CA5A: variants seen among roughly 807,000 people sequenced by gnomAD.
CA5A encodes the protein carbonic anhydrase 5A, mitochondrial.
CA5A carries 28 observed loss-of-function variants against 37.1 expected under a neutral mutation model. The ratio of observed to expected loss-of-function variants is 0.75; its 90% CI spans 0.56 to 1.03. The LOEUF (loss-of-function observed/expected upper bound fraction) is 1.03. Ranked by LOEUF, CA5A falls within the 50% of genes least tolerant of loss-of-function variation. The pLI is 0.00. For missense variants in CA5A, 444 were observed against 399.9 expected (o/e 1.11, Z -0.94); for synonymous variants, 171 against 158.4 (o/e 1.08, Z -0.60).
At position 87,888,092 on chromosome 16, in the gene CA5A, C is replaced by T. The variant is rs766914195; in HGVS notation, c.*37G>A. ...CTTGGGAAACAACGCTTCCTTCCTT[C>T]AAAGTCAGTTCTGCTATTCATGTGG... is the stretch of plus-strand genomic sequence containing the variant. On this transcript the variant is annotated 3_prime_UTR_variant, in exon 7 of 7. Coordinates refer to ENST00000649794, the MANE Select transcript of CA5A (RefSeq NM_001739.2). 1.9e-6 allele frequency: 3 copies of T among 1,545,664 alleles called. No individual in the cohort carries two copies. The highest frequency in any genetic ancestry group is 2.6e-6 in the Non-Finnish European group (3 of 1,143,146).
chr16:87,910,379 TGAG>T (rs2056033311), intron 2 of CA5A, among the ~76,000 whole-genome samples: 1 of 152,164 alleles, frequency 6.6e-6, no homozygotes, highest in African/African-American at 2.4e-5. Flanking sequence ...GCAGGTCCTG[TGAG>T]TCCAACTTTG....
intron 2 of CA5A, among the ~76,000 whole-genome samples, chr16:87,907,928 AAAACAAAC>A (rs561020488): frequency 2.0e-5 from 3 of 152,212 alleles, no homozygotes; most frequent in Non-Finnish European, 2.9e-5. Flanking sequence ...CTCCGTCTCA[AAAACAAAC>A]AAACAAACAA....
chr16:87,888,646 T>C (rs1412428377), intron 6 of CA5A, among the ~76,000 whole-genome samples: 1 of 152,198 alleles, frequency 6.6e-6, no homozygotes, highest in Non-Finnish European at 1.5e-5. Context: ...GCTTTCAGAT[T>C]GCTACAGTCC....
chr16:87,909,317 C>G (rs1373888651), intron 2 of CA5A, among the ~76,000 whole-genome samples: 1 of 152,174 alleles, frequency 6.6e-6, no homozygotes, highest in East Asian at 1.9e-4. Context: ...GAACAAGGGA[C>G]TTGCTTGAAA....
chr16:87,929,788 C>T (rs1046142473), intron 1 of CA5A, among the ~76,000 whole-genome samples: 1 of 137,992 alleles, frequency 7.2e-6, no homozygotes, highest in East Asian at 2.3e-4. Context: ...AGCAGAATGG[C>T]GTGAGCCCGG....
intron 4 of CA5A, 22 bp from the exon 5 acceptor site, chr16:87,901,996 G>A: frequency 6.2e-7 from 1 of 1,610,656 alleles, no homozygotes; most frequent in Non-Finnish European, 8.5e-7. Flanking sequence ...ACAAAGGAGG[G>A]GTTAGCTGCA....
At chr16:87,922,795 G>C (rs112012355) in intron 2 of CA5A, among the ~76,000 whole-genome samples, 142 of 152,352 alleles carry the variant, frequency 9.3e-4, no homozygotes, top group African/African-American at 3.1e-3. Context: ...TGGATTTTGT[G>C]AATGTTGGAT....
At chr16:87,936,226 GTCTCTCC>G (rs2056469180) in intron 1 of CA5A, 76 bp downstream of exon 1, 1 of 961,154 alleles carries the variant, frequency 1.0e-6, no homozygotes, top group Non-Finnish European at 1.6e-6. Flanking sequence ...GCTCGGGACG[GTCTCTCC>G]TCTCTCCTCT....
chr16:87,900,075 T>C (rs2055857264), intron 5 of CA5A, among the ~76,000 whole-genome samples: 1 of 152,004 alleles, frequency 6.6e-6, no homozygotes, highest in African/African-American at 2.4e-5. Context: ...GTGGTTTGCC[T>C]AGAAAATTCT....
downstream of CA5A, chr16:87,884,168 C>G (rs149542412): frequency 1.4e-5 from 2 of 147,390 alleles, no homozygotes; most frequent in African/African-American, 5.0e-5. Flanking sequence ...GTAATCCCAG[C>G]ACTTTGGGGG....
intron 2 of CA5A, among the ~76,000 whole-genome samples, chr16:87,905,348 TTTTTG>T (rs2055944655): frequency 6.6e-6 from 1 of 152,046 alleles, no homozygotes; most frequent in Non-Finnish European, 1.5e-5. Flanking sequence ...ATGAGCAAAG[TTTTTG>T]TTTTGTCTTG....
At chr16:87,899,576 T>G (rs2055848173) in intron 5 of CA5A, among the ~76,000 whole-genome samples, 1 of 150,694 alleles carries the variant, frequency 6.6e-6, no homozygotes, top group Non-Finnish European at 1.5e-5. Context: ...GTGCTAGGAT[T>G]ACAGGCGTGA....
rs993675813 is a variant in CA5A, at chr16:87,892,845, A to G, written c.619-891T>C. On this transcript the variant is annotated intron_variant, in intron 5 of 6. Transcript: ENST00000649794. ...TAATTTTTGTATTTTTAGTAGAGAC[A>G]GGGTCTCACCATGTTAGCCAGGCTG... The G allele has an allele frequency of 8.2e-5, 28 of 343,324 alleles. No individual in the cohort carries two copies. The Admixed American group carries it at 1.2e-3, about 15-fold the overall frequency. 21.3% of individuals were successfully genotyped at this position (343,324 alleles called of 1,614,324 possible). A position where few individuals can be genotyped will look rare whatever the true frequency, so the allele number is the denominator to read the frequency against.
At position 87,909,433 on chromosome 16, in the gene CA5A, G is replaced by C. The variant is rs537579736; in HGVS notation, c.341-4529C>G. On this transcript the variant is annotated intron_variant, in intron 2 of 6. Coordinates refer to ENST00000649794, the MANE Select transcript of CA5A (RefSeq NM_001739.2). ...ACGCAAATGAGGAGGGAAGCGAAAC[G>C]TTCGTTCTTCTAAGAGGATAACTGC... Among the ~76,000 whole-genome samples, 18 of 152,356 alleles carry C rather than the reference G, an allele frequency of 1.2e-4. No homozygotes were observed. The South Asian group carries it at 3.7e-3, about 32-fold the overall frequency.
intron 3 of CA5A, among the ~76,000 whole-genome samples, chr16:87,903,552 G>C (rs1477628316): frequency 9.3e-6 from 1 of 107,006 alleles, no homozygotes; most frequent in Non-Finnish European, 2.3e-5. Flanking sequence ...AGAAGCCATT[G>C]TTGTGCTCAT....
At chr16:87,889,402 C>T (rs570194522) in intron 6 of CA5A, among the ~76,000 whole-genome samples, 2 of 152,136 alleles carry the variant, frequency 1.3e-5, no homozygotes, top group East Asian at 3.9e-4. Context: ...ATTTGTTACA[C>T]AGCAATAGAT....
intron 2 of CA5A, among the ~76,000 whole-genome samples, chr16:87,924,784 G>A (rs1380460315): frequency 6.6e-6 from 1 of 152,020 alleles, no homozygotes; most frequent in Non-Finnish European, 1.5e-5. Flanking sequence ...TGGGGGCAGC[G>A]TCCCGCTTGT....
chr16:87,906,315 C>T (rs753139892), intron 2 of CA5A, among the ~76,000 whole-genome samples: 1 of 152,062 alleles, frequency 6.6e-6, no homozygotes, highest in Non-Finnish European at 1.5e-5. Context: ...ACTGCTGACT[C>T]CTGGTGGTTT....
chr16:87,918,792 C>T (rs1342296303), intron 2 of CA5A, among the ~76,000 whole-genome samples: 1 of 152,174 alleles, frequency 6.6e-6, no homozygotes, highest in Non-Finnish European at 1.5e-5. Flanking sequence ...ATCTGAGGTT[C>T]TCATTCCCTC....
Sources: allele counts gnomAD v4.1 joint callset (sites outside exome capture counted in the v4.1 genomes callset), GRCh38; gene constraint gnomAD v4.1.1; transcripts MANE v1.5; gene names NCBI Gene and HGNC (gene_info 2026-07-23, HGNC 2026-07-21).